Variants in EXOC6B observed in about 807,000 individuals in gnomAD.
The protein encoded by EXOC6B is exocyst complex component 6B.
A neutral mutation model predicts 113.5 loss-of-function variants in EXOC6B; 54 were observed. The observed-to-expected ratio is 0.48, with a 90% confidence interval of 0.38 to 0.60. The LOEUF is 0.60. Among genes scored for constraint, EXOC6B ranks in the 20% least tolerant of loss-of-function variants. The probability of loss-of-function intolerance (pLI) is 0.00; values close to 1 mark genes in which losing one functional copy is unlikely to be tolerated. For missense variants in EXOC6B, 797 were observed against 977.5 expected (o/e 0.82, Z 2.46); for synonymous variants, 357 against 339.0 (o/e 1.05, Z -0.58).
intron 6 of EXOC6B, among the ~76,000 whole-genome samples, chr2:72,578,650 G>C (rs543930377): frequency 5.3e-5 from 8 of 152,096 alleles, no homozygotes; most frequent in African/African-American, 1.9e-4. Context: ...TTGCACACTG[G>C]TGATACAAAG....
chr2:72,766,141 G>A (rs892106233), intron 1 of EXOC6B, among the ~76,000 whole-genome samples: 2 of 152,196 alleles, frequency 1.3e-5, no homozygotes, highest in African/African-American at 4.8e-5. Flanking sequence ...AGGGCTCCTA[G>A]TCATCACTCC....
intron 20 of EXOC6B, among the ~76,000 whole-genome samples, chr2:72,321,025 C>T (rs191550444): frequency 5.9e-5 from 9 of 152,044 alleles, no homozygotes; most frequent in Admixed American, 2.6e-4. Flanking sequence ...TGAAAACCTC[C>T]GCGACATATG....
intron 20 of EXOC6B, among the ~76,000 whole-genome samples, chr2:72,212,571 T>G (rs997704509): frequency 2.0e-5 from 3 of 152,294 alleles, no homozygotes; most frequent in Non-Finnish European, 4.4e-5. Flanking sequence ...AAAAATGCAT[T>G]TGACTTAGAC....
At chr2:72,699,487 A>AG (rs1678142781) in intron 6 of EXOC6B, among the ~76,000 whole-genome samples, 1 of 152,050 alleles carries the variant, frequency 6.6e-6, no homozygotes, top group East Asian at 1.9e-4. Flanking sequence ...CAAAAAAAAA[A>AG]AAAAAAAGAA....
intron 19 of EXOC6B, among the ~76,000 whole-genome samples, chr2:72,378,073 T>C (rs1476171238): frequency 6.6e-6 from 1 of 152,210 alleles, no homozygotes; most frequent in African/African-American, 2.4e-5. Context: ...GACTCTTCCA[T>C]TCTGGTTGGT....
intron 1 of EXOC6B, among the ~76,000 whole-genome samples, chr2:72,769,013 G>A (rs1230612729): frequency 6.6e-6 from 1 of 152,112 alleles, no homozygotes; most frequent in Non-Finnish European, 1.5e-5. Context: ...GATTAGACAA[G>A]TTCTGGAGAT....
At chr2:72,532,481 AT>A (rs1386503773) in intron 8 of EXOC6B, among the ~76,000 whole-genome samples, 1 of 152,120 alleles carries the variant, frequency 6.6e-6, no homozygotes, top group Non-Finnish European at 1.5e-5. Context: ...CAATTTAATA[AT>A]TTTACCTAAA....
intron 20 of EXOC6B, among the ~76,000 whole-genome samples, chr2:72,200,687 G>A (rs548820232): frequency 6.6e-6 from 1 of 152,318 alleles, no homozygotes; most frequent in African/African-American, 2.4e-5. Flanking sequence ...TTGGAATACA[G>A]GCCCCTGATT....
intron 6 of EXOC6B, among the ~76,000 whole-genome samples, chr2:72,587,911 T>A (rs1705693127): frequency 6.6e-6 from 1 of 151,508 alleles, no homozygotes; most frequent in Non-Finnish European, 1.5e-5. Context: ...TACATACAAA[T>A]GTCCAACAAA....
chr2:72,318,901 A>T lies in EXOC6B; in HGVS notation c.2196+16046T>A, dbSNP rs533792283. On this transcript the variant is annotated intron_variant, in intron 20 of 21. Coordinates refer to ENST00000272427, the MANE Select transcript of EXOC6B (RefSeq NM_015189.3). The stretch of plus-strand genomic sequence containing the variant: ...ACTCTAATACCTATGAAGTTAATAA[A>T]AAAAAAAAAACCTTAAAATCATAAG... Among the ~76,000 whole-genome samples the T allele has an allele frequency of 2.0e-5, 3 of 149,566 alleles. No homozygotes were observed. The South Asian group carries it at 6.2e-4, about 31-fold the overall frequency.
chr2:72,185,917 G>T (rs1296636378), intron 20 of EXOC6B, among the ~76,000 whole-genome samples: 12 of 124,488 alleles, frequency 9.6e-5, no homozygotes, highest in Non-Finnish European at 1.6e-4. Flanking sequence ...GACAGGCCCC[G>T]GTGTGTGATG....
chr2:72,278,120 T>G (rs1158604759), intron 20 of EXOC6B, among the ~76,000 whole-genome samples: 1 of 152,176 alleles, frequency 6.6e-6, no homozygotes, highest in Admixed American at 6.5e-5. Flanking sequence ...CTGCTTCAGA[T>G]AGGAAAAATT....
chr2:72,337,173 A>G (rs1487363941), intron 19 of EXOC6B, among the ~76,000 whole-genome samples: 2 of 152,138 alleles, frequency 1.3e-5, no homozygotes, highest in African/African-American at 4.8e-5. Flanking sequence ...TTCCTATACT[A>G]TGCTCCTGTT....
chr2:72,209,223 C>CAAAAAAAAAAAAAAAAAAAAAGAAAAAA (rs1680016573), intron 20 of EXOC6B, among the ~76,000 whole-genome samples: 1 of 57,104 alleles, frequency 1.8e-5, no homozygotes, highest in Admixed American at 2.3e-4. Flanking sequence ...AACTCAGTCT[C>CAAAAAAAAAAAAAAAAAAAAAGAAAAAA]AAAAAAAAAA....
intron 18 of EXOC6B, among the ~76,000 whole-genome samples, chr2:72,425,814 T>A (rs1353082641): frequency 6.6e-6 from 1 of 152,222 alleles, no homozygotes; most frequent in Non-Finnish European, 1.5e-5. Flanking sequence ...AGCTATAATT[T>A]CTTACTTTTT....
At chr2:72,425,101 G>A (rs1573091887) in intron 18 of EXOC6B, among the ~76,000 whole-genome samples, 3 of 152,052 alleles carry the variant, frequency 2.0e-5, no homozygotes, top group South Asian at 2.1e-4. Flanking sequence ...CAATTTGAAC[G>A]CAAGTTATTC....
intron 20 of EXOC6B, among the ~76,000 whole-genome samples, chr2:72,309,117 A>T (rs1687051578): frequency 6.6e-6 from 1 of 152,122 alleles, no homozygotes; most frequent in South Asian, 2.1e-4. Context: ...TATACCAATC[A>T]AAATTGCCCT....
At chr2:72,653,715 C>T (rs541189510) in intron 6 of EXOC6B, among the ~76,000 whole-genome samples, 124 of 151,068 alleles carry the variant, frequency 8.2e-4, no homozygotes, top group African/African-American at 2.9e-3. Flanking sequence ...AATTGACTGA[C>T]CAAAGTTCTT....
Position 72,799,829 on chromosome 2 carries a change from C to T in EXOC6B, c.113+25969G>A, listed in dbSNP as rs552512780. Among the ~76,000 whole-genome samples, 3 of 152,084 alleles carry T rather than the reference C, an allele frequency of 2.0e-5. No homozygotes were observed. In the South Asian group the frequency reaches 6.2e-4, roughly 32 times the overall value. On this transcript the variant is annotated intron_variant, in intron 1 of 21. Transcript: ENST00000272427. ...CCTGTAATCCCAGCACTTTGGGAGG[C>T]CAAGGCAGACGAATTGCTTGAGCTC...
Sources: allele counts gnomAD v4.1 joint callset (sites outside exome capture counted in the v4.1 genomes callset), GRCh38; gene constraint gnomAD v4.1.1; transcripts MANE v1.5; gene names NCBI Gene and HGNC (gene_info 2026-07-23, HGNC 2026-07-21).